Variants in SLC28A3 observed in about 807,000 individuals in gnomAD.
The protein encoded by SLC28A3 is solute carrier family 28 member 3, also known as concentrative Na(+)-nucleoside cotransporter 3.
SLC28A3 carries 68 observed loss-of-function variants against 84.2 expected under a neutral mutation model. The observed-to-expected ratio is 0.81, with a 90% CI of 0.66 to 0.99. SLC28A3 has a LOEUF of 0.99. Among genes scored for constraint, SLC28A3 ranks in the 50% least tolerant of loss-of-function variants. The pLI is 0.00. For synonymous variants in SLC28A3, 267 were observed against 303.6 expected (o/e 0.88, Z 1.25); for missense variants, 712 against 841.5 (o/e 0.85, Z 1.90).
intron 14 of SLC28A3, among the ~76,000 whole-genome samples, chr9:84,283,847 T>A (rs1283131852): frequency 6.6e-6 from 1 of 152,200 alleles, no homozygotes; most frequent in Non-Finnish European, 1.5e-5. Flanking sequence ...TGGGATGCCC[T>A]TCTCCACTTC....
chr9:84,306,586 G>A (rs1268793850), intron 3 of SLC28A3, among the ~76,000 whole-genome samples: 1 of 152,080 alleles, frequency 6.6e-6, no homozygotes, highest in African/African-American at 2.4e-5. Flanking sequence ...TATCTAGGCT[G>A]AATAATTCCC....
intron 1 of SLC28A3, among the ~76,000 whole-genome samples, chr9:84,326,175 C>A (rs1018014213): frequency 2.6e-5 from 4 of 151,684 alleles, no homozygotes; most frequent in East Asian, 2.0e-4. Context: ...GATACACTCA[C>A]CTTTGAATTT....
chr9:84,283,664 G>A (rs1824859542), intron 14 of SLC28A3, among the ~76,000 whole-genome samples: 1 of 152,226 alleles, frequency 6.6e-6, no homozygotes, highest in Non-Finnish European at 1.5e-5. Context: ...CTTTAGGAAA[G>A]AGAAAGTGAT....
At chr9:84,303,338 G>A (rs569672662) in intron 4 of SLC28A3, among the ~76,000 whole-genome samples, 1 of 152,314 alleles carries the variant, frequency 6.6e-6, no homozygotes, top group South Asian at 2.1e-4. Flanking sequence ...TTGTTTGTTT[G>A]ATATGGAGTT....
the SLC28A3 span, among the ~76,000 whole-genome samples, chr9:84,366,743 ATC>A: frequency 6.6e-6 from 1 of 152,122 alleles, no homozygotes; most frequent in Non-Finnish European, 1.5e-5. Flanking sequence ...AACAAACAGA[ATC>A]TCTCTCTCTG....
At chr9:84,295,067 C>T (rs537747103) in intron 8 of SLC28A3, among the ~76,000 whole-genome samples, 1 of 152,242 alleles carries the variant, frequency 6.6e-6, no homozygotes, top group African/African-American at 2.4e-5. Context: ...GCATGTGAGT[C>T]CCCCTCAATA....
chr9:84,325,870 C>T (rs908517394), intron 1 of SLC28A3, among the ~76,000 whole-genome samples: 1 of 152,154 alleles, frequency 6.6e-6, no homozygotes, highest in Non-Finnish European at 1.5e-5. Flanking sequence ...TTTCAAACAA[C>T]ACAAGACATG....
chr9:84,368,707 G>A, the SLC28A3 span, among the ~76,000 whole-genome samples: 11 of 152,098 alleles, frequency 7.2e-5, no homozygotes, highest in Middle Eastern at 6.8e-3. Context: ...TCCTCAAGAG[G>A]AAGGAAGGAG....
chr9:84,355,052 T>C, the SLC28A3 span, among the ~76,000 whole-genome samples: 2 of 152,170 alleles, frequency 1.3e-5, no homozygotes, highest in African/African-American at 4.8e-5. Context: ...AAAAGCATGA[T>C]TTTGTGATCC....
intron 1 of SLC28A3, among the ~76,000 whole-genome samples, chr9:84,331,959 T>C (rs1826805925): frequency 6.6e-6 from 1 of 152,164 alleles, no homozygotes; most frequent in African/African-American, 2.4e-5. Flanking sequence ...AAAAGGTTCT[T>C]TTTTAAAGCA....
rs1050347378 is a variant in SLC28A3 at position 84,326,182 on chromosome 9, A to T, written c.61-12728T>A. Among the ~76,000 whole-genome samples the T allele has an allele frequency of 2.7e-5, 4 of 149,184 alleles. No homozygotes were observed. In the South Asian group the frequency reaches 8.5e-4, roughly 32 times the overall value. ...AAATTCCAGATACACTCACCTTTGA[A>T]TTTTTTTTTTTAATCTGACTAATAA... On this transcript the variant is annotated intron_variant, in intron 1 of 17. Transcript: ENST00000376238.
At chr9:84,356,466 C>T in the SLC28A3 span, among the ~76,000 whole-genome samples, 3 of 152,178 alleles carry the variant, frequency 2.0e-5, no homozygotes, top group Non-Finnish European at 4.4e-5. Flanking sequence ...CCCTGGGGCT[C>T]CATCCAGCTA....
At chr9:84,292,524 C>T (rs578068201) in intron 10 of SLC28A3, 144 bp downstream of exon 10, 39 of 570,778 alleles carry the variant, frequency 6.8e-5, no homozygotes, top group Middle Eastern at 4.7e-4. Context: ...CCCTGGAATC[C>T]GGACATTGCC....
chr9:84,337,686 G>A (rs571785541), intron 1 of SLC28A3, among the ~76,000 whole-genome samples: 3 of 151,990 alleles, frequency 2.0e-5, no homozygotes, highest in South Asian at 4.2e-4. Context: ...AATAGCAAAC[G>A]TCTTATTTGC....
intron 1 of SLC28A3, among the ~76,000 whole-genome samples, chr9:84,327,240 CTTG>C (rs1826598155): frequency 6.6e-6 from 1 of 151,692 alleles, no homozygotes; most frequent in Non-Finnish European, 1.5e-5. Flanking sequence ...TGGCTGTAAT[CTTG>C]AAAACCTCGG....
intron 2 of SLC28A3, 95 bp downstream of exon 2, chr9:84,313,264 G>C: frequency 1.9e-6 from 2 of 1,036,778 alleles, no homozygotes; most frequent in South Asian, 1.5e-5. Context: ...CTGCGTGCCA[G>C]TGGGGCGCCA....
chr9:84,298,979 A>G (rs1292921448), intron 6 of SLC28A3, among the ~76,000 whole-genome samples: 2 of 152,174 alleles, frequency 1.3e-5, no homozygotes, highest in African/African-American at 4.8e-5. Flanking sequence ...CTTGGATCAT[A>G]TTAGTTGAAC....
chr9:84,312,834 C>A (rs1009265579), intron 2 of SLC28A3, among the ~76,000 whole-genome samples: 4 of 151,988 alleles, frequency 2.6e-5, no homozygotes, highest in African/African-American at 9.7e-5. Flanking sequence ...CCACCGTGCC[C>A]GGCCCTGAAT....
chr9:84,342,137 A>AAAAAG (rs1827174029), upstream of SLC28A3, among the ~76,000 whole-genome samples: 1 of 135,022 alleles, frequency 7.4e-6, no homozygotes, highest in East Asian at 2.0e-4. Context: ...CAAAAAAAAA[A>AAAAAG]AAAAAAAGAA....
Sources: allele counts gnomAD v4.1 joint callset (sites outside exome capture counted in the v4.1 genomes callset), GRCh38; gene constraint gnomAD v4.1.1; transcripts MANE v1.5; gene names NCBI Gene and HGNC (gene_info 2026-07-23, HGNC 2026-07-21).